The following REPIN1 variants were observed in gnomAD, a reference collection of about 807,000 sequenced individuals.
The protein encoded by REPIN1 is replication initiator 1, also known as DNA-binding protein REPIN1.
In REPIN1, 4 loss-of-function variants were observed where a neutral mutation model predicts 5.7. The ratio of observed to expected loss-of-function variants is 0.71; its 90% CI spans 0.35 to 1.62. REPIN1 has a LOEUF of 1.62. REPIN1 is among the 40% of genes most tolerant of loss of function. REPIN1 has a pLI of 0.05. For synonymous variants in REPIN1, 410 were observed against 386.2 expected (o/e 1.06, Z -0.72); for missense variants, 854 against 901.0 (o/e 0.95, Z 0.67).
chr7:150,370,437 G>A, intron 2 of REPIN1: 1 of 381,512 alleles, frequency 2.6e-6, no homozygotes, highest in Non-Finnish European at 4.9e-6. Flanking sequence ...GCAGGCGGTG[G>A]TCTGGCGTTA....
Position 150,371,243 on chromosome 7 carries a change from T to A in REPIN1, c.173T>A (p.Met58Lys), listed in dbSNP as rs1799683082. Reference protein sequence around the residue: ...LCSLQAEEEPMLERRCRGPLA... With the variant: ...LCSLQAEEEPKLERRCRGPLA... The stretch of plus-strand genomic sequence containing the variant: ...CCACCCTCAGCAGAGGAAGAACCGA[T>A]GCTGGAACGTCGTTGCAGGGGCCCC... The change falls in exon 3 of 3, where the codon ATG becomes AAG. Residue 58 changes from methionine (M) to lysine (K), a missense_variant. By Grantham distance (95) the Met-to-Lys change is moderately conservative. Transcript: ENST00000489432. 6.3e-7 allele frequency: 1 copy of A among 1,596,878 alleles called. No homozygotes were observed. The highest frequency in any genetic ancestry group is 8.5e-7 in the Non-Finnish European group (1 of 1,171,048).
In REPIN1 at chr7:150,372,456, C is replaced by T. The variant is rs767980191; in HGVS notation, c.1386C>T (p.Cys462=). 3.9e-6 allele frequency: 6 copies of T among 1,531,930 alleles called. No individual in the cohort carries two copies. The Admixed American group carries it at 8.1e-5, about 21-fold the overall frequency. The allele number at this position is 1,531,930 out of a possible 1,614,324, so 94.9% of individuals were successfully genotyped here. The part of the protein sequence containing the change: ...RQHTGERPFT[C]AECGKNFGKK... The stretch of plus-strand genomic sequence containing the variant: ...ACACCGGGGAGCGGCCCTTCACCTG[C>T]GCCGAGTGCGGGAAGAACTTCGGCA... The change falls in exon 3 of 3, where the codon TGC becomes TGT. Residue 462 remains cysteine, a synonymous_variant. Coordinates refer to ENST00000489432, the MANE Select transcript of REPIN1 (RefSeq NM_001099695.2).
rs757777641 is a variant in REPIN1 at position 150,372,134 on chromosome 7, G to C, written c.1064G>C (p.Gly355Ala). ...GEKPYPCKECGRRFRHKPNLL... is the reference protein window; with the variant it reads ...GEKPYPCKECARRFRHKPNLL... ...AAGCCCTACCCGTGCAAAGAGTGCGGCCGCCGCTTCCGGCACAAACCCAAC... is the reference window on the plus strand; with the variant it reads ...AAGCCCTACCCGTGCAAAGAGTGCGCCCGCCGCTTCCGGCACAAACCCAAC... Residue 355 changes from glycine to alanine, a missense_variant, in exon 3 of 3, where the codon GGC (glycine) becomes GCC (alanine). Physicochemically the swap from Gly to Ala is moderately conservative, Grantham distance 60. Around this residue, in one of 5 missense-constraint regions of REPIN1, gnomAD observed 327 missense variants for 307.8 expected, o/e 1.06. Transcript: ENST00000489432. 5.6e-6 allele frequency: 9 copies of C among 1,611,008 alleles called. No individual in the cohort carries two copies. Among genetic ancestry groups the C allele is most frequent in the Non-Finnish European group, 6.8e-6 (8 of 1,179,386 alleles).
At chr7:150,368,777 G>T, upstream of REPIN1, 1 of 285,234 alleles carries the variant, frequency 3.5e-6, no homozygotes, top group Non-Finnish European at 6.4e-6. Context: ...CTGTAGTCAC[G>T]TGGCGCTGGG....
At position 150,371,402 on chromosome 7, in the gene REPIN1, G is replaced by A. The variant is rs1799714967; in HGVS notation, c.332G>A (p.Gly111Asp). ...GCCCAGTCTGGTGCCCAAGCCCCAG[G>A]CAGGGCCCATCGCTGTGCCCACTGT... is the stretch of plus-strand genomic sequence containing the variant. ...SVAQSGAQAP[G>D]RAHRCAHCRR... is the part of the protein sequence containing the mutation. Residue 111 changes from glycine to aspartate, a missense_variant, in exon 3 of 3, where the codon GGC (glycine) becomes GAC (aspartate). This residue lies in a region of REPIN1 where 409 missense variants were observed against 418.6 expected (regional missense o/e 0.98). Coordinates refer to ENST00000489432, the MANE Select transcript of REPIN1 (RefSeq NM_001099695.2). 2 of 1,598,456 alleles carry A rather than the reference G, an allele frequency of 1.3e-6. No individual in the cohort carries two copies. Among genetic ancestry groups the A allele is most frequent in the Non-Finnish European group, 1.7e-6 (2 of 1,174,128 alleles).
At position 150,371,272 on chromosome 7, in the gene REPIN1, G is replaced by A. The variant is rs550693219; in HGVS notation, c.202G>A (p.Ala68Thr). ...GGAACGTCGTTGCAGGGGCCCCCTG[G>A]CCATGGGCCTGGCCCAGCCCCGACT... ...MLERRCRGPL[A>T]MGLAQPRLLS... is the part of the protein sequence containing the mutation. Residue 68 changes from alanine (A) to threonine (T), a missense_variant, in exon 3 of 3, where the codon GCC (alanine) becomes ACC (threonine). Physicochemically the swap from Ala to Thr is moderately conservative, Grantham distance 58. Transcript: ENST00000489432. 1 of 1,601,068 alleles carries A rather than the reference G, an allele frequency of 6.2e-7. No individual in the cohort carries two copies. The highest frequency in any genetic ancestry group is 8.5e-7 in the Non-Finnish European group (1 of 1,174,194).
At chr7:150,370,139 T>TGGGCAGGAATCTGGGCTCCC (rs1799453047) in intron 2 of REPIN1, 2 of 400,252 alleles carry the variant, frequency 5.0e-6, no homozygotes, top group Non-Finnish European at 9.0e-6. Flanking sequence ...AGGAGGCTCC[T>TGGGCAGGAATCTGGGCTCCC]GTGCAGGAAT....
intron 1 of REPIN1, 191 bp from the exon 2 acceptor site, chr7:150,369,480 T>C (rs929609923): frequency 8.6e-6 from 5 of 579,532 alleles, no homozygotes; most frequent in East Asian, 3.0e-5. Context: ...AGCAGTGTGC[T>C]TCCTTGTTGA....
intron 1 of REPIN1, 197 bp from the exon 2 acceptor site, chr7:150,369,474 G>C: frequency 1.7e-6 from 1 of 571,448 alleles, no homozygotes; most frequent in South Asian, 1.9e-5. Context: ...AAAGACAGCA[G>C]TGTGCTTCCT....
In REPIN1 at chr7:150,373,916, T is replaced by A. The variant is rs1373253305; in HGVS notation, c.*971T>A. On this transcript the variant is annotated 3_prime_UTR_variant, in exon 3 of 3. Coordinates refer to ENST00000489432, the MANE Select transcript of REPIN1 (RefSeq NM_001099695.2). ...TCTAATTGTTAGAAATCCTTCCTTA[T>A]AATGAATGAATTCTGCTTTCCTATA... The A allele has an allele frequency of 1.2e-5, 2 of 167,092 alleles. No individual in the cohort carries two copies. The highest frequency in any genetic ancestry group is 2.9e-5 in the Non-Finnish European group (2 of 68,130). The allele number at this position is 167,092 out of a possible 1,614,324, so 10.4% of individuals were successfully genotyped here. A position where few individuals can be genotyped will look rare whatever the true frequency, so the allele number is the denominator to read the frequency against.
chr7:150,371,293 C>A lies in REPIN1; in HGVS notation c.223C>A (p.Arg75=), dbSNP rs764231710. The change falls in exon 3 of 3, where the codon CGA becomes AGA. Residue 75 remains arginine (R), a synonymous_variant. Transcript: ENST00000489432. ...GPLAMGLAQP[R]LLSGPSQESP... Reference sequence around the variant, plus strand: ...CCTGGCCATGGGCCTGGCCCAGCCCCGACTCCTTTCTGGGCCCTCCCAGGA... The same window carrying A: ...CCTGGCCATGGGCCTGGCCCAGCCCAGACTCCTTTCTGGGCCCTCCCAGGA... The A allele has an allele frequency of 4.4e-6, 7 of 1,592,628 alleles. No individual in the cohort carries two copies. In the Admixed American group the frequency reaches 7.0e-5, roughly 16 times the overall value.
chr7:150,369,494 G>C (rs572578862), intron 1 of REPIN1, 177 bp from the exon 2 acceptor site: 6 of 603,938 alleles, frequency 9.9e-6, no homozygotes, highest in Non-Finnish European at 1.8e-5. Context: ...TTGTTGAAGG[G>C]GCACATTCAT....
chr7:150,369,623 C>T (rs1799317317), intron 1 of REPIN1, 48 bp from the exon 2 acceptor site: 1 of 1,563,554 alleles, frequency 6.4e-7, no homozygotes. Context: ...GCTGACTGCC[C>T]TAGAGGAGCT....
At chr7:150,370,258 T>C in intron 2 of REPIN1, 2 of 248,594 alleles carry the variant, frequency 8.0e-6, no homozygotes, top group Non-Finnish European at 1.6e-5. Flanking sequence ...CCTCCCCTTC[T>C]ATTGCCCCAG....
rs1250402590 is a variant in REPIN1 at position 150,371,574 on chromosome 7, C to T, written c.504C>T (p.Thr168=). 1 of 1,604,802 alleles carries T rather than the reference C, an allele frequency of 6.2e-7. No homozygotes were observed. Among genetic ancestry groups the T allele is most frequent in the Non-Finnish European group, 8.5e-7 (1 of 1,179,256 alleles). The change falls in exon 3 of 3, where the codon ACC becomes ACT. Residue 168 remains threonine, a synonymous_variant. Transcript: ENST00000489432. ...ALHRQVHAAA[T]PDLGFACHLC... is the part of the protein sequence containing the mutation. ...ACCGCCAGGTCCATGCTGCTGCCACCCCAGACCTGGGCTTTGCCTGCCACC... is the reference window on the plus strand; with the variant it reads ...ACCGCCAGGTCCATGCTGCTGCCACTCCAGACCTGGGCTTTGCCTGCCACC...
chr7:150,369,231 C>A, intron 1 of REPIN1: 1 of 388,264 alleles, frequency 2.6e-6, no homozygotes, highest in Non-Finnish European at 4.7e-6. Flanking sequence ...CCGCGGCCAG[C>A]CGCGATGCGG....
chr7:150,372,724 G>A lies in REPIN1; in HGVS notation c.1654G>A (p.Ala552Thr), dbSNP rs1277394434. 6.2e-7 allele frequency: 1 copy of A among 1,611,766 alleles called. No individual in the cohort carries two copies. The highest frequency in any genetic ancestry group is 8.5e-7 in the Non-Finnish European group (1 of 1,179,638). The change falls in exon 3 of 3, where the codon GCC (alanine) becomes ACC (threonine). Residue 552 changes from alanine to threonine, a missense_variant. By Grantham distance (58) the Ala-to-Thr change is moderately conservative (BLOSUM62 0). Transcript: ENST00000489432. Reference sequence around the variant, plus strand: ...CTACGTCTGCCCCGACTGCGGCAAAGCCTTCAGCCAGAAGTCCAACCTGGT... The same window carrying A: ...CTACGTCTGCCCCGACTGCGGCAAAACCTTCAGCCAGAAGTCCAACCTGGT... ...KPYVCPDCGKAFSQKSNLVSH... is the reference protein window; with the variant it reads ...KPYVCPDCGKTFSQKSNLVSH...
rs1473344697 is a variant in REPIN1, at chr7:150,372,133, G to T, written c.1063G>T (p.Gly355Cys). 6.2e-7 allele frequency: 1 copy of T among 1,611,388 alleles called. No individual in the cohort carries two copies. The highest frequency in any genetic ancestry group is 1.7e-5 in the Admixed American group (1 of 59,932). ...GAAGCCCTACCCGTGCAAAGAGTGC[G>T]GCCGCCGCTTCCGGCACAAACCCAA... ...GEKPYPCKEC[G>C]RRFRHKPNLL... The change falls in exon 3 of 3, where the codon GGC becomes TGC. Residue 355 changes from glycine to cysteine, a missense_variant. Gly to Cys is a radical substitution (Grantham distance 159, BLOSUM62 -3). Around this residue, in one of 5 missense-constraint regions of REPIN1, gnomAD observed 327 missense variants for 307.8 expected, o/e 1.06. Coordinates refer to ENST00000489432, the MANE Select transcript of REPIN1 (RefSeq NM_001099695.2).
At position 150,368,866 on chromosome 7, in the gene REPIN1, A is replaced by C; in HGVS notation, c.-117A>C. ...CCGCTGTCGCCGCGGCGGGGCGGGG[A>C]GCGAGAGTGGGCCGCGGAGGCCGGC... is the stretch of plus-strand genomic sequence containing the variant. On this transcript the variant is annotated 5_prime_UTR_variant, in exon 1 of 3. Transcript: ENST00000489432. 1 of 327,904 alleles carries C rather than the reference A, an allele frequency of 3.0e-6. No homozygotes were observed. Among genetic ancestry groups the C allele is most frequent in the Non-Finnish European group, 5.5e-6 (1 of 182,824 alleles). The allele number at this position is 327,904 out of a possible 1,614,324, so 20.3% of individuals were successfully genotyped here.
Sources: allele counts gnomAD v4.1 joint callset, GRCh38; gene constraint gnomAD v4.1.1; regional missense constraint gnomAD v4.1.1; transcripts MANE v1.5; gene names NCBI Gene and HGNC (gene_info 2026-07-23, HGNC 2026-07-21).